CCDC63: variants seen among roughly 807,000 people sequenced by gnomAD.
CCDC63 encodes the protein coiled-coil domain containing 63.
Under a neutral mutation model 63.6 loss-of-function variants are expected in CCDC63, and 54 were observed. The observed-to-expected ratio is 0.85, with a 90% CI of 0.68 to 1.07. CCDC63 has a LOEUF of 1.07. CCDC63 is among the 50% of genes least tolerant of loss of function. The pLI is 0.00. For missense variants in CCDC63, 637 were observed against 689.6 expected (o/e 0.92, Z 0.86); for synonymous variants, 253 against 266.1 (o/e 0.95, Z 0.48).
At chr12:110,904,830 G>A (rs753118337) in intron 11 of CCDC63, 39 bp downstream of exon 11, 2 of 1,503,152 alleles carry the variant, frequency 1.3e-6, no homozygotes, top group Non-Finnish European at 1.8e-6. Flanking sequence ...GGTTGCTAGG[G>A]AACCTGTGCC....
At chr12:110,867,403 AC>A (rs567127947) in intron 4 of CCDC63, among the ~76,000 whole-genome samples, 3 of 106,524 alleles carry the variant, frequency 2.8e-5, no homozygotes, top group East Asian at 5.9e-4. Context: ...CGGGGGGCTG[AC>A]CCCCCCATCT....
At chr12:110,901,139 A>AT (rs1040079756) in intron 10 of CCDC63, among the ~76,000 whole-genome samples, 10 of 152,046 alleles carry the variant, frequency 6.6e-5, no homozygotes, top group African/African-American at 2.2e-4. Flanking sequence ...CTCTTTTAAA[A>AT]TTTTTTTTAA....
intron 5 of CCDC63, among the ~76,000 whole-genome samples, chr12:110,876,858 ACT>A (rs1017382189): frequency 2.8e-5 from 4 of 143,400 alleles, no homozygotes; most frequent in African/African-American, 1.1e-4. Context: ...ACATGGTGAA[ACT>A]CTGTCTCTAC....
At chr12:110,888,771 T>G (rs1004095593) in intron 8 of CCDC63, among the ~76,000 whole-genome samples, 1 of 152,008 alleles carries the variant, frequency 6.6e-6, no homozygotes, top group Non-Finnish European at 1.5e-5. Context: ...CTTCCAACTT[T>G]TTTTTTGGTC....
chr12:110,899,875 T>C (rs756966849), intron 10 of CCDC63, among the ~76,000 whole-genome samples: 3 of 152,100 alleles, frequency 2.0e-5, no homozygotes, highest in Non-Finnish European at 4.4e-5. Context: ...AAACTAGAAC[T>C]AGAAGGAAAC....
chr12:110,906,768 C>T (rs73195844), intron 11 of CCDC63, among the ~76,000 whole-genome samples: 9,265 of 152,146 alleles, frequency 0.061, 408 homozygotes, highest in Middle Eastern at 0.13. Flanking sequence ...GCACAACTTC[C>T]ACCGCCCTTT....
At position 110,904,585 on chromosome 12, in the gene CCDC63, C is replaced by T. The variant is rs2136753113; in HGVS notation, c.1343-3C>T. ...CATCTTGGTCCTGCTTCTTGTTCTC[C>T]AGCCATCATTGAAAAGAAGACCAAC... On this transcript the variant is annotated splice_polypyrimidine_tract_variant and splice_region_variant and intron_variant, in intron 10 of 11. Transcript: ENST00000308208. 6.2e-7 allele frequency: 1 copy of T among 1,613,924 alleles called. No homozygotes were observed. The highest frequency in any genetic ancestry group is 2.2e-5 in the East Asian group (1 of 44,872).
intron 4 of CCDC63, among the ~76,000 whole-genome samples, chr12:110,863,994 ACATT>A (rs2070901156): frequency 6.6e-6 from 1 of 152,252 alleles, no homozygotes; most frequent in Non-Finnish European, 1.5e-5. Context: ...TCACAGAACC[ACATT>A]CAAAGACATG....
chr12:110,875,796 T>C (rs1260457616), intron 5 of CCDC63, among the ~76,000 whole-genome samples: 2 of 152,098 alleles, frequency 1.3e-5, no homozygotes, highest in Non-Finnish European at 2.9e-5. Context: ...TGCCTTTTAA[T>C]AGGTTAAGCA....
intron 10 of CCDC63, among the ~76,000 whole-genome samples, chr12:110,899,938 G>T (rs1366649323): frequency 6.6e-6 from 1 of 151,972 alleles, no homozygotes; most frequent in Non-Finnish European, 1.5e-5. Context: ...ACTAGGCCAG[G>T]CACAGTGGCT....
At chr12:110,858,468 G>C (rs2070807062) in intron 3 of CCDC63, 118 bp from the exon 4 acceptor site, 1 of 833,982 alleles carries the variant, frequency 1.2e-6, no homozygotes, top group Non-Finnish European at 1.8e-6. Context: ...CCTTTTGCCT[G>C]CTTGCTCAGG....
chr12:110,886,531 A>G (rs1266109552), intron 8 of CCDC63, among the ~76,000 whole-genome samples: 1 of 152,232 alleles, frequency 6.6e-6, no homozygotes, highest in African/African-American at 2.4e-5. Flanking sequence ...CCAGAGCTCC[A>G]GAAATGGGTC....
chr12:110,868,519 TA>T (rs1388751214), intron 4 of CCDC63, among the ~76,000 whole-genome samples: 2 of 149,998 alleles, frequency 1.3e-5, no homozygotes, highest in Non-Finnish European at 1.5e-5. Flanking sequence ...CACTCGCGGT[TA>T]GGGGCTGGAG....
At chr12:110,853,034 G>C in intron 2 of CCDC63, 71 bp downstream of exon 2, 1 of 1,505,612 alleles carries the variant, frequency 6.6e-7, no homozygotes, top group South Asian at 1.1e-5. Flanking sequence ...CACTTTACAC[G>C]TTAGCTCGTC....
intron 3 of CCDC63, among the ~76,000 whole-genome samples, chr12:110,857,978 T>G (rs989264306): frequency 6.6e-6 from 1 of 151,982 alleles, no homozygotes; most frequent in Non-Finnish European, 1.5e-5. Context: ...TGGTGGCTTG[T>G]GGCTGTAGTC....
At chr12:110,852,397 T>C (rs2070715340) in intron 1 of CCDC63, among the ~76,000 whole-genome samples, 1 of 152,066 alleles carries the variant, frequency 6.6e-6, no homozygotes, top group Non-Finnish European at 1.5e-5. Context: ...GTAACTGGGA[T>C]TACAGGTGTG....
intron 1 of CCDC63, among the ~76,000 whole-genome samples, chr12:110,847,678 T>C (rs2070657156): frequency 6.6e-6 from 1 of 151,304 alleles, no homozygotes. Context: ...AACAAAAAAC[T>C]GTGTATGTGT....
intron 8 of CCDC63, among the ~76,000 whole-genome samples, chr12:110,890,773 CTTTTTTTTTTTT>C (rs769120162): frequency 3.0e-5 from 3 of 98,400 alleles, no homozygotes; most frequent in African/African-American, 8.2e-5. Context: ...TCCTCCTTTT[CTTTTTTTTTTTT>C]TTTTTTTTTT....
At chr12:110,883,060 C>T (rs1316658294) in intron 7 of CCDC63, among the ~76,000 whole-genome samples, 4 of 145,042 alleles carry the variant, frequency 2.8e-5, no homozygotes, top group Non-Finnish European at 4.5e-5. Flanking sequence ...TTTTTTAAGA[C>T]GGAGTCTTGC....
Sources: gnomAD v4.1 joint callset for allele counts (sites outside exome capture counted in the v4.1 genomes callset) on GRCh38, gnomAD v4.1.1 for gene constraint, MANE v1.5 for transcripts, NCBI Gene and HGNC (gene_info 2026-07-23, HGNC 2026-07-21) for gene names.